Variants in KBTBD8 observed in about 807,000 individuals in gnomAD.
The protein encoded by KBTBD8 is kelch repeat and BTB domain-containing protein 8.
In KBTBD8, 31 loss-of-function variants were observed where a neutral mutation model predicts 53.5. That is an observed-to-expected ratio of 0.58 (90% CI 0.44 to 0.78). The LOEUF is 0.78. KBTBD8 is among the 30% of genes least tolerant of loss of function. The pLI is 0.00. For missense variants in KBTBD8, 642 were observed against 735.8 expected (o/e 0.87, Z 1.48); for synonymous variants, 250 against 247.3 (o/e 1.01, Z -0.10).
Position 67,003,246 on chromosome 3 carries a change from A to T in KBTBD8, c.279A>T (p.Ile93=). Residue 93 remains isoleucine, a synonymous_variant, in exon 3 of 4, where the codon ATA becomes ATT. Coordinates refer to ENST00000417314, the MANE Select transcript of KBTBD8 (RefSeq NM_032505.3). ...LTESTQKEVR[I]VGVEAESMDL... The stretch of plus-strand genomic sequence containing the variant: ...AAAGTACTCAAAAAGAAGTTCGAAT[A>T]GTTGGTGTTGAAGCTGAATCGATGG... 6.2e-7 allele frequency: 1 copy of T among 1,614,120 alleles called. No individual in the cohort carries two copies. The highest frequency in any genetic ancestry group is 2.2e-5 in the East Asian group (1 of 44,882).
chr3:67,003,127 T>G, intron 2 of KBTBD8, 68 bp from the exon 3 acceptor site: 1 of 1,478,330 alleles, frequency 6.8e-7, no homozygotes, highest in East Asian at 2.3e-5. Context: ...CTTTGTACTT[T>G]TAAAATCTTG....
intron 2 of KBTBD8, among the ~76,000 whole-genome samples, chr3:66,999,735 G>C (rs1422820662): frequency 6.6e-6 from 1 of 152,142 alleles, no homozygotes; most frequent in East Asian, 1.9e-4. Context: ...TTTAAAACAT[G>C]TAGCATGTTC....
At position 67,008,504 on chromosome 3, in the gene KBTBD8, T is replaced by A; in HGVS notation, c.*119T>A. On this transcript the variant is annotated 3_prime_UTR_variant, in exon 4 of 4. Transcript: ENST00000417314. ...GAGAGTTTTATACATGGAAAATGGGTATGCTTAAAGATTGCAGGGTAGGGA... is the reference window on the plus strand; with the variant it reads ...GAGAGTTTTATACATGGAAAATGGGAATGCTTAAAGATTGCAGGGTAGGGA... The A allele has an allele frequency of 1.5e-6, 1 of 682,014 alleles. No individual in the cohort carries two copies. Among genetic ancestry groups the A allele is most frequent in the Non-Finnish European group, 2.4e-6 (1 of 416,684 alleles). The allele number at this position is 682,014 out of a possible 1,614,324, so 42.2% of individuals were successfully genotyped here.
In KBTBD8 at chr3:67,010,300, A is replaced by G. The variant is rs1409848217; in HGVS notation, c.*1915A>G. 1 of 152,566 alleles carries G rather than the reference A, an allele frequency of 6.6e-6. No individual in the cohort carries two copies. Among genetic ancestry groups the G allele is most frequent in the Middle Eastern group, 3.2e-3 (1 of 316 alleles). The allele number at this position is 152,566 out of a possible 1,614,324, so 9.5% of individuals were successfully genotyped here. Reference sequence around the variant, plus strand: ...TTTGCAAGAGATGTTCATGTAATTTATTTTTGAAAGCTTTGTTGAATAAGA... The same window carrying G: ...TTTGCAAGAGATGTTCATGTAATTTGTTTTTGAAAGCTTTGTTGAATAAGA... On this transcript the variant is annotated 3_prime_UTR_variant, in exon 4 of 4. Transcript: ENST00000417314.
chr3:66,999,826 C>G (rs1702001536), intron 2 of KBTBD8, among the ~76,000 whole-genome samples: 1 of 152,132 alleles, frequency 6.6e-6, no homozygotes, highest in Admixed American at 6.5e-5. Context: ...TTCTTTGTGC[C>G]TAAGGCCCCA....
In KBTBD8 at chr3:66,999,199, G is replaced by C; in HGVS notation, c.227+8G>C. ...AATCAGCCCTTACTTCAGGTATGAT[G>C]ATGGTAGGAACTTCTGTTGGTATCT... On this transcript the variant is annotated splice_region_variant and intron_variant, in intron 2 of 3. Transcript: ENST00000417314. The C allele has an allele frequency of 6.2e-7, 1 of 1,611,166 alleles. No individual in the cohort carries two copies. The highest frequency in any genetic ancestry group is 1.1e-5 in the South Asian group (1 of 90,998).
chr3:66,999,034 A>G lies in KBTBD8; in HGVS notation c.70A>G (p.Ser24Gly), dbSNP rs1701990811. The change falls in exon 2 of 4, where the codon AGC becomes GGC. Residue 24 changes from serine to glycine, a missense_variant. Physicochemically the swap from Ser to Gly is moderately conservative, Grantham distance 56 (BLOSUM62 0). Coordinates refer to ENST00000417314, the MANE Select transcript of KBTBD8 (RefSeq NM_032505.3). ...TGGGATTCCATCTTCAGACCCAGCCAGCGATGCCATGGACCCCTTCCATGC... is the reference window on the plus strand; with the variant it reads ...TGGGATTCCATCTTCAGACCCAGCCGGCGATGCCATGGACCCCTTCCATGC... ...PNGIPSSDPA[S>G]DAMDPFHACS... The G allele has an allele frequency of 8.7e-6, 14 of 1,614,088 alleles. No homozygotes were observed. Among genetic ancestry groups the G allele is most frequent in the Non-Finnish European group, 1.2e-5 (14 of 1,179,988 alleles).
At position 67,004,103 on chromosome 3, in the gene KBTBD8, C is replaced by G; in HGVS notation, c.1136C>G (p.Ala379Gly). ...CTATCCAAACCATCCTTGCTTCGAG[C>G]CAGAATAGGCTGCAAACTTGTCTAT... The part of the protein sequence containing the change: ...RWLSKPSLLR[A>G]RIGCKLVYCC... Residue 379 changes from alanine (A) to glycine (G), a missense_variant, in exon 3 of 4, where the codon GCC (alanine) becomes GGC (glycine). Transcript: ENST00000417314. The G allele has an allele frequency of 6.2e-7, 1 of 1,614,136 alleles. No individual in the cohort carries two copies. The highest frequency in any genetic ancestry group is 8.5e-7 in the Non-Finnish European group (1 of 1,180,018).
Position 67,004,327 on chromosome 3 carries a change from T to A in KBTBD8, c.1342+18T>A. 1 of 1,601,108 alleles carries A rather than the reference T, an allele frequency of 6.2e-7. No homozygotes were observed. The highest frequency in any genetic ancestry group is 8.5e-7 in the Non-Finnish European group (1 of 1,170,402). ...TTTACAGGGTAGGTGCCTAAGTGATTTAGTTTTTCATGGAAGGGTAACACA... is the reference window on the plus strand; with the variant it reads ...TTTACAGGGTAGGTGCCTAAGTGATATAGTTTTTCATGGAAGGGTAACACA... On this transcript the variant is annotated intron_variant, in intron 3 of 3. Transcript: ENST00000417314.
chr3:66,999,244 C>T, intron 2 of KBTBD8, 53 bp downstream of exon 2: 2 of 1,359,258 alleles, frequency 1.5e-6, no homozygotes, highest in South Asian at 2.3e-5. Flanking sequence ...TCCCTTTCCC[C>T]CTCAGTATTG....
chr3:67,008,161 G>A lies in KBTBD8; in HGVS notation c.1582G>A (p.Val528Ile). Residue 528 changes from valine to isoleucine, a missense_variant, in exon 4 of 4, where the codon GTA (valine) becomes ATA (isoleucine). Transcript: ENST00000417314. ...DQSINPYLKL[V>I]LFQNKLHLFV... ...GTCCATAAATCCATACCTTAAACTG[G>A]TACTTTTCCAGAACAAACTCCATTT... 1 of 1,614,000 alleles carries A rather than the reference G, an allele frequency of 6.2e-7. No individual in the cohort carries two copies. The highest frequency in any genetic ancestry group is 8.5e-7 in the Non-Finnish European group (1 of 1,179,982).
In KBTBD8 at chr3:66,998,974, C is replaced by T. The variant is rs970787587; in HGVS notation, c.17-7C>T. ...TTCTTGTAGTTGTACGATTTTTCTCCTCCTAGATTTAAGTAAGTCTTCCCC... is the reference window on the plus strand; with the variant it reads ...TTCTTGTAGTTGTACGATTTTTCTCTTCCTAGATTTAAGTAAGTCTTCCCC... On this transcript the variant is annotated splice_region_variant and splice_polypyrimidine_tract_variant and intron_variant, in intron 1 of 3. Coordinates refer to ENST00000417314, the MANE Select transcript of KBTBD8 (RefSeq NM_032505.3). 2 of 1,582,398 alleles carry T rather than the reference C, an allele frequency of 1.3e-6. No homozygotes were observed. The highest frequency in any genetic ancestry group is 1.1e-5 in the South Asian group (1 of 87,642).
intron 1 of KBTBD8, 70 bp from the exon 2 acceptor site, chr3:66,998,911 A>G (rs1205612430): frequency 8.1e-7 from 1 of 1,235,122 alleles, no homozygotes; most frequent in East Asian, 2.5e-5. Flanking sequence ...CAGACACACA[A>G]ACAGAAAAAT....
intron 3 of KBTBD8, among the ~76,000 whole-genome samples, chr3:67,005,322 A>G (rs541578958): frequency 6.6e-6 from 1 of 152,340 alleles, no homozygotes; most frequent in South Asian, 2.1e-4. Context: ...ATGATGGATC[A>G]CATACACAAT....
At position 67,008,063 on chromosome 3, in the gene KBTBD8, G is replaced by GT; in HGVS notation, c.1485dup (p.Met496TyrfsTer8). On this transcript the variant is annotated frameshift_variant, in exon 4 of 4. Transcript: ENST00000417314. LOFTEE classifies it high-confidence loss of function. ...GCTGGAACCTGTGGAAATCATCAAC[G>GT]TATGTTTACTGTAGAAGCCTATGAT... 6.2e-7 allele frequency: 1 copy of GT among 1,613,994 alleles called. No homozygotes were observed. The highest frequency in any genetic ancestry group is 8.5e-7 in the Non-Finnish European group (1 of 1,179,962).
In KBTBD8 at chr3:67,010,139, A is replaced by C. The variant is rs1397366401; in HGVS notation, c.*1754A>C. On this transcript the variant is annotated 3_prime_UTR_variant, in exon 4 of 4. Coordinates refer to ENST00000417314, the MANE Select transcript of KBTBD8 (RefSeq NM_032505.3). ...TGTAATCTCTGTATAAACTTTGTCAACATTTTTACCTCCCCAGTTTTATCT... is the reference window on the plus strand; with the variant it reads ...TGTAATCTCTGTATAAACTTTGTCACCATTTTTACCTCCCCAGTTTTATCT... The C allele has an allele frequency of 6.6e-6, 1 of 152,464 alleles. No individual in the cohort carries two copies. Among genetic ancestry groups the C allele is most frequent in the Non-Finnish European group, 1.5e-5 (1 of 67,960 alleles). 9.4% of individuals were successfully genotyped at this position (152,464 alleles called of 1,614,324 possible).
intron 2 of KBTBD8, among the ~76,000 whole-genome samples, chr3:66,999,664 C>A (rs1172272059): frequency 6.6e-6 from 1 of 152,194 alleles, no homozygotes; most frequent in Non-Finnish European, 1.5e-5. Flanking sequence ...TCTAGAATTT[C>A]TTTCAAAAAG....
chr3:67,006,705 G>A (rs1285944395), intron 3 of KBTBD8, among the ~76,000 whole-genome samples: 1 of 152,152 alleles, frequency 6.6e-6, no homozygotes, highest in Non-Finnish European at 1.5e-5. Context: ...GTTCAAAACA[G>A]TTTTCAAGGG....
In KBTBD8 at chr3:67,008,264, A is replaced by T; in HGVS notation, c.1685A>T (p.Asp562Val). The change falls in exon 4 of 4, where the codon GAT (aspartate) becomes GTT (valine). Residue 562 changes from aspartate to valine, a missense_variant. Transcript: ENST00000417314. ...TSRKNSLYQY[D>V]DIADQWMKVY... The stretch of plus-strand genomic sequence containing the variant: ...AGAAAAAATTCCCTTTACCAATATG[A>T]TGACATTGCTGACCAGTGGATGAAA... 1 of 1,613,950 alleles carries T rather than the reference A, an allele frequency of 6.2e-7. No homozygotes were observed. Among genetic ancestry groups the T allele is most frequent in the Non-Finnish European group, 8.5e-7 (1 of 1,180,010 alleles).
Sources: allele counts gnomAD v4.1 joint callset (sites outside exome capture counted in the v4.1 genomes callset), GRCh38; gene constraint gnomAD v4.1.1; transcripts MANE v1.5; gene names NCBI Gene and HGNC (gene_info 2026-07-23, HGNC 2026-07-21).